SEC23A: variants seen among roughly 807,000 people sequenced by gnomAD.
SEC23A encodes the protein protein transport protein Sec23A.
Under a neutral mutation model 103.7 loss-of-function variants are expected in SEC23A, and 56 were observed. The observed-to-expected ratio is 0.54, with a 90% CI of 0.44 to 0.67. The LOEUF is 0.67. Among genes scored for constraint, SEC23A ranks in the 30% least tolerant of loss-of-function variants. The probability of loss-of-function intolerance (pLI) is 0.00; values close to 1 mark genes in which losing one functional copy is unlikely to be tolerated. For synonymous variants in SEC23A, 281 were observed against 293.0 expected, an observed-to-expected ratio of 0.96 and a Z score of 0.42; for missense variants, 784 against 936.4, an observed-to-expected ratio of 0.84 and a Z score of 2.12.
intron 9 of SEC23A, among the ~76,000 whole-genome samples, chr14:39,072,523 A>G (rs1167653448): frequency 6.6e-6 from 1 of 151,912 alleles, no homozygotes; most frequent in African/African-American, 2.4e-5. Flanking sequence ...TCAAAAAGAC[A>G]GACAATAAGC....
chr14:39,055,409 G>GTT, intron 13 of SEC23A, 113 bp from the exon 14 acceptor site: 5 of 940,938 alleles, frequency 5.3e-6, no homozygotes, highest in East Asian at 2.9e-5. Context: ...AAACTACTAG[G>GTT]ATTTTTTTTT....
At chr14:39,066,065 T>A (rs1886657772) in intron 10 of SEC23A, among the ~76,000 whole-genome samples, 1 of 135,630 alleles carries the variant, frequency 7.4e-6, no homozygotes, top group African/African-American at 2.9e-5. Context: ...AAGTCTAGAA[T>A]AAATTGTGTC....
intron 15 of SEC23A, among the ~76,000 whole-genome samples, chr14:39,048,336 T>C (rs1262468459): frequency 6.6e-6 from 1 of 151,912 alleles, no homozygotes; most frequent in Non-Finnish European, 1.5e-5. Context: ...AAGAAAAGAA[T>C]ATGGGTCTGT....
In SEC23A at chr14:39,091,459, A is replaced by G; in HGVS notation, c.603+18T>C. On this transcript the variant is annotated intron_variant, in intron 5 of 19. Coordinates refer to ENST00000307712, the MANE Select transcript of SEC23A (RefSeq NM_006364.4). ...AGTAATTTTCAGATAGGTAAAAACT[A>G]CCATTCTTGTTGTTTACCTGCAGTT... 1 of 1,584,020 alleles carries G rather than the reference A, an allele frequency of 6.3e-7. No homozygotes were observed. Among genetic ancestry groups the G allele is most frequent in the Non-Finnish European group, 8.7e-7 (1 of 1,152,772 alleles).
chr14:39,093,771 A>G (rs1887746799), intron 2 of SEC23A, among the ~76,000 whole-genome samples: 1 of 152,136 alleles, frequency 6.6e-6, no homozygotes, highest in Non-Finnish European at 1.5e-5. Flanking sequence ...AAATATATAT[A>G]TGCACACATA....
At chr14:39,079,312 A>T (rs1234796958) in intron 7 of SEC23A, among the ~76,000 whole-genome samples, 3 of 152,220 alleles carry the variant, frequency 2.0e-5, no homozygotes, top group Non-Finnish European at 4.4e-5. Context: ...AAAATGTAAA[A>T]GATATCCTAT....
At chr14:39,070,604 T>A (rs1886811260) in intron 9 of SEC23A, among the ~76,000 whole-genome samples, 1 of 152,116 alleles carries the variant, frequency 6.6e-6, no homozygotes, top group African/African-American at 2.4e-5. Context: ...AGGACAAAAG[T>A]CACATGATCA....
rs1370000809 is a variant in SEC23A, at chr14:39,101,134, G to A, written c.-22+1898C>T. Among the ~76,000 whole-genome samples the A allele has an allele frequency of 2.0e-5, 3 of 152,002 alleles. 1 individual carries two copies. Among genetic ancestry groups the A allele is most frequent in the South Asian group, 4.1e-4 (2 of 4,822 alleles). ...GCTGGGATTACAGGCGTAAACTGCC[G>A]CACCCAGCCACTAGTCTTTATTTTT... On this transcript the variant is annotated intron_variant, in intron 1 of 19. Transcript: ENST00000307712.
intron 7 of SEC23A, among the ~76,000 whole-genome samples, chr14:39,084,708 C>T (rs1368835588): frequency 1.3e-5 from 2 of 151,972 alleles, no homozygotes; most frequent in Non-Finnish European, 2.9e-5. Context: ...CTCACTCTGT[C>T]ACCCAGGCTG....
intron 9 of SEC23A, among the ~76,000 whole-genome samples, chr14:39,068,283 C>G (rs1187548592): frequency 6.6e-6 from 1 of 152,094 alleles, no homozygotes; most frequent in African/African-American, 2.4e-5. Flanking sequence ...TACACTTCTG[C>G]TGGGACTGCA....
intron 2 of SEC23A, among the ~76,000 whole-genome samples, chr14:39,094,309 CAT>C (rs1486106957): frequency 1.1e-5 from 1 of 89,720 alleles, no homozygotes; most frequent in African/African-American, 4.2e-5. Flanking sequence ...TACACATATA[CAT>C]ATATATGCAT....
intron 14 of SEC23A, among the ~76,000 whole-genome samples, chr14:39,049,398 T>C (rs1194830675): frequency 2.0e-5 from 3 of 150,898 alleles, no homozygotes; most frequent in Admixed American, 6.6e-5. Flanking sequence ...ATTGCTTGAA[T>C]CCGGAAGGCA....
chr14:39,099,423 G>A (rs1412574577), intron 1 of SEC23A, among the ~76,000 whole-genome samples: 1 of 152,014 alleles, frequency 6.6e-6, no homozygotes, highest in Non-Finnish European at 1.5e-5. Flanking sequence ...CTCCCAAAGT[G>A]CTGGGATTAC....
At chr14:39,095,148 A>G (rs1466468540) in intron 2 of SEC23A, 16 of 589,540 alleles carry the variant, frequency 2.7e-5, no homozygotes, top group Admixed American at 1.3e-4. Flanking sequence ...GACAGAATCT[A>G]TAATGTTCTA....
intron 15 of SEC23A, among the ~76,000 whole-genome samples, chr14:39,045,655 G>A (rs942602572): frequency 3.9e-5 from 6 of 152,016 alleles, no homozygotes; most frequent in African/African-American, 1.4e-4. Flanking sequence ...ACCAGTCTAG[G>A]CAACATAACA....
chr14:39,043,545 T>C (rs879381556), intron 16 of SEC23A, among the ~76,000 whole-genome samples: 1 of 152,102 alleles, frequency 6.6e-6, no homozygotes, highest in Non-Finnish European at 1.5e-5. Flanking sequence ...ACTGATGACA[T>C]AAATCTAGGT....
intron 7 of SEC23A, among the ~76,000 whole-genome samples, chr14:39,080,203 C>T (rs1046900714): frequency 6.6e-6 from 1 of 151,906 alleles, no homozygotes; most frequent in African/African-American, 2.4e-5. Context: ...CCAAAAAGAT[C>T]AAGGGCAGTT....
chr14:39,089,812 T>G (rs1427779660), intron 5 of SEC23A, among the ~76,000 whole-genome samples: 3 of 152,010 alleles, frequency 2.0e-5, no homozygotes, highest in Non-Finnish European at 4.4e-5. Flanking sequence ...CAAAATTAGC[T>G]GGGCATGATG....
chr14:39,044,528 T>C (rs915486033), intron 16 of SEC23A, among the ~76,000 whole-genome samples: 8 of 152,164 alleles, frequency 5.3e-5, no homozygotes, highest in African/African-American at 1.9e-4. Flanking sequence ...TCTCTTTATA[T>C]TGACCTTACT....
Sources: allele counts gnomAD v4.1 joint callset (sites outside exome capture counted in the v4.1 genomes callset), GRCh38; gene constraint gnomAD v4.1.1; transcripts MANE v1.5; gene names NCBI Gene and HGNC (gene_info 2026-07-23, HGNC 2026-07-21).